Variants in ZNF711 observed in about 807,000 individuals in gnomAD.
The protein encoded by ZNF711 is zinc finger protein 711.
Under a neutral mutation model 43.5 loss-of-function variants are expected in ZNF711, and 3 were observed. The observed-to-expected ratio is 0.07, with a 90% CI of 0.03 to 0.18. The LOEUF is 0.18. Among genes scored for constraint, ZNF711 ranks in the 10% least tolerant of loss-of-function variants. The pLI is 1.00. For synonymous variants in ZNF711, 209 were observed against 207.7 expected (o/e 1.01, Z -0.06); for missense variants, 412 against 604.0 (o/e 0.68, Z 3.33).
chrX:85,244,463 G>A (rs1297296681), intron 1 of ZNF711, among the ~76,000 whole-genome samples: 2 of 111,494 alleles, frequency 1.8e-5, no homozygotes, highest in Non-Finnish European at 3.8e-5. Flanking sequence ...AGCTAGAGCC[G>A]TCGTTGAGAC....
intron 3 of ZNF711, 99 bp from the exon 4 acceptor site, chrX:85,247,448 A>G: frequency 1.9e-6 from 1 of 514,067 alleles, no homozygotes; most frequent in Non-Finnish European, 3.2e-6. Flanking sequence ...AGCTTTCCAC[A>G]CTTGGTTGAA....
intron 9 of ZNF711, among the ~76,000 whole-genome samples, 195 bp from the exon 10 acceptor site, chrX:85,269,808 C>T (rs1274744157): frequency 9.0e-6 from 1 of 111,644 alleles, no homozygotes; most frequent in Admixed American, 9.6e-5. Flanking sequence ...AAAGTATTTA[C>T]AAATACATGT....
intron 6 of ZNF711, 70 bp downstream of exon 6, chrX:85,264,500 C>T (rs1303346113): frequency 4.0e-6 from 4 of 1,002,122 alleles, no homozygotes; most frequent in Non-Finnish European, 5.4e-6. Context: ...GGGGACTAGT[C>T]TAAAAATGTT....
intron 10 of ZNF711, 99 bp from the exon 11 acceptor site, chrX:85,270,552 T>C: frequency 2.8e-6 from 2 of 724,722 alleles, no homozygotes; most frequent in South Asian, 4.7e-5. Flanking sequence ...ACTAGTATTG[T>C]TTTCACATAG....
At chrX:85,265,716 G>A (rs1931038520) in intron 7 of ZNF711, among the ~76,000 whole-genome samples, 1 of 111,012 alleles carries the variant, frequency 9.0e-6, no homozygotes, top group Non-Finnish European at 1.9e-5. Context: ...AAGTGTGAAG[G>A]GCAGGATTTT....
Position 85,264,335 on chromosome X carries a change from A to G in ZNF711, c.683A>G (p.Asp228Gly). ...MGNTPLKIGS[D>G]GSQEDAKEDG... ...AATACACCATTAAAAATTGGCAGTG[A>G]TGGTTCACAAGAAGATGCTAAAGAA... Residue 228 changes from aspartate (D) to glycine (G), a missense_variant, in exon 6 of 11, where the codon GAT becomes GGT. Physicochemically the swap from Asp to Gly is moderately conservative, Grantham distance 94. This residue lies in a region of ZNF711 where 375 missense variants were observed against 514.2 expected (regional missense o/e 0.73). Transcript: ENST00000674551. 4.1e-6 allele frequency: 5 copies of G among 1,205,782 alleles called. No homozygotes were observed. The African/African-American group carries it at 5.2e-5, about 13-fold the overall frequency.
intron 4 of ZNF711, among the ~76,000 whole-genome samples, chrX:85,251,007 C>A (rs1323585642): frequency 9.0e-6 from 1 of 111,449 alleles, no homozygotes. Flanking sequence ...GCAGCCCCCC[C>A]ATGCTTATTT....
intron 5 of ZNF711, among the ~76,000 whole-genome samples, chrX:85,261,244 A>T (rs899630428): frequency 4.5e-5 from 5 of 111,592 alleles, no homozygotes; most frequent in African/African-American, 6.5e-5. Context: ...ACATTCCATT[A>T]TATGGGTATT....
Position 85,244,123 on chromosome X carries a change from AGGC to A in ZNF711, c.-452_-450del, listed in dbSNP as rs758475553. The A allele has an allele frequency of 7.1e-4, 104 of 146,046 alleles. No homozygotes were observed. Among genetic ancestry groups the A allele is most frequent in the Middle Eastern group, 2.7e-3 (1 of 365 alleles). The allele number at this position is 146,046 out of a possible 1,213,427, so 12.0% of individuals were successfully genotyped here. On this transcript the variant is annotated 5_prime_UTR_variant, in exon 1 of 11. Transcript: ENST00000674551. Reference sequence around the variant, plus strand: ...GGTCACAGTCCGACTGGCGGCACGGAGGCGGCGGCGGCGGCGGCGGCGGCAGCG... The same window carrying A: ...GGTCACAGTCCGACTGGCGGCACGGAGGCGGCGGCGGCGGCGGCGGCAGCG...
At chrX:85,260,700 T>C (rs112365367) in intron 5 of ZNF711, among the ~76,000 whole-genome samples, 2,957 of 110,649 alleles carry the variant, frequency 0.027, 99 homozygotes, top group African/African-American at 0.092. Context: ...TGTGGCATTT[T>C]ATGTCTGGCT....
In ZNF711 at chrX:85,270,970, C is replaced by T. The variant is rs1425159818; in HGVS notation, c.1566C>T (p.His522=). 1.7e-6 allele frequency: 2 copies of T among 1,209,226 alleles called. No individual in the cohort carries two copies. Among genetic ancestry groups the T allele is most frequent in the Non-Finnish European group, 2.2e-6 (2 of 894,922 alleles). ...LILRDKEPKM[H]KCKYCDYETA... The stretch of plus-strand genomic sequence containing the variant: ...TAAGAGACAAGGAGCCGAAGATGCA[C>T]AAGTGCAAATACTGTGACTATGAAA... The change falls in exon 11 of 11, where the codon CAC becomes CAT. Residue 522 remains histidine (H), a synonymous_variant. Coordinates refer to ENST00000674551, the MANE Select transcript of ZNF711 (RefSeq NM_001330574.2).
At chrX:85,262,958 T>C (rs1358292850) in intron 5 of ZNF711, among the ~76,000 whole-genome samples, 1 of 110,565 alleles carries the variant, frequency 9.0e-6, no homozygotes, top group Non-Finnish European at 1.9e-5. Context: ...AATTAATAGC[T>C]TTTTAATGTC....
Position 85,271,852 on chromosome X carries a change from C to T in ZNF711, c.*24C>T, listed in dbSNP as rs1206674474. Reference sequence around the variant, plus strand: ...AATAAGATCAATATAAAGAAAGAAGCTATTTAGGAGATATGATATGCTACT... The same window carrying T: ...AATAAGATCAATATAAAGAAAGAAGTTATTTAGGAGATATGATATGCTACT... On this transcript the variant is annotated 3_prime_UTR_variant, in exon 11 of 11. Coordinates refer to ENST00000674551, the MANE Select transcript of ZNF711 (RefSeq NM_001330574.2). The T allele has an allele frequency of 2.6e-6, 3 of 1,152,240 alleles. No homozygotes were observed. The highest frequency in any genetic ancestry group is 1.8e-5 in the African/African-American group (1 of 56,002). The allele number at this position is 1,152,240 out of a possible 1,213,427, so 95.0% of individuals were successfully genotyped here. A position where few individuals can be genotyped will look rare whatever the true frequency, so the allele number is the denominator to read the frequency against.
intron 5 of ZNF711, among the ~76,000 whole-genome samples, chrX:85,260,819 T>G (rs1424063853): frequency 9.0e-6 from 1 of 110,692 alleles, no homozygotes; most frequent in Non-Finnish European, 1.9e-5. Flanking sequence ...CCGCCCCCCC[T>G]GCTGACATAC....
chrX:85,261,370 G>T (rs1930630356), intron 5 of ZNF711, among the ~76,000 whole-genome samples: 1 of 111,086 alleles, frequency 9.0e-6, no homozygotes, highest in African/African-American at 3.3e-5. Context: ...TTATGTGAGT[G>T]TATATTTTTA....
chrX:85,248,592 A>T (rs1240304563), intron 4 of ZNF711, among the ~76,000 whole-genome samples: 2 of 110,906 alleles, frequency 1.8e-5, no homozygotes, highest in African/African-American at 6.6e-5. Context: ...CAACAAATAA[A>T]CTGAATTTGG....
chrX:85,245,098 ACTG>A (rs1182835917), intron 1 of ZNF711, among the ~76,000 whole-genome samples: 3 of 111,940 alleles, frequency 2.7e-5, no homozygotes, highest in Non-Finnish European at 5.6e-5. Context: ...AAGCTGCAAT[ACTG>A]CTACTTGCCA....
rs752747342 is a variant in ZNF711, at chrX:85,271,444, C to T, written c.2040C>T (p.Leu680=). The T allele has an allele frequency of 2.5e-6, 3 of 1,211,007 alleles. No homozygotes were observed. Among genetic ancestry groups the T allele is most frequent in the East Asian group, 5.9e-5 (2 of 33,764 alleles). ...CDKGFHRPSE[L]KKHSDIHKGR... is the part of the protein sequence containing the mutation. ...AAGGTTTTCATCGTCCTTCTGAGCT[C>T]AAAAAGCATAGTGATATCCATAAGG... The change falls in exon 11 of 11, where the codon CTC becomes CTT. Residue 680 remains leucine, a synonymous_variant. Coordinates refer to ENST00000674551, the MANE Select transcript of ZNF711 (RefSeq NM_001330574.2).
Position 85,264,393 on chromosome X carries a change from T to C in ZNF711, c.741T>C (p.Tyr247=). ...TTGGTTCTGAAGTTATAAAAGTGTA[T>C]ATATTTAAAGCGGAGGCTGAAGATG... The part of the protein sequence containing the change: ...DGFGSEVIKV[Y]IFKAEAEDDV... The change falls in exon 6 of 11, where the codon TAT becomes TAC. Residue 247 remains tyrosine (Y), a synonymous_variant. Transcript: ENST00000674551. The C allele has an allele frequency of 8.3e-7, 1 of 1,206,873 alleles. No individual in the cohort carries two copies.
Sources: allele counts gnomAD v4.1 joint callset (sites outside exome capture counted in the v4.1 genomes callset), GRCh38; gene constraint gnomAD v4.1.1; regional missense constraint gnomAD v4.1.1; transcripts MANE v1.5; gene names NCBI Gene and HGNC (gene_info 2026-07-23, HGNC 2026-07-21).